The following CEP250 variants were observed in gnomAD, a reference collection of about 807,000 sequenced individuals.
CEP250 encodes centrosomal protein 250.
In CEP250, 242 loss-of-function variants were observed where a neutral mutation model predicts 315.7. The ratio of observed to expected loss-of-function variants is 0.77; its 90% confidence interval spans 0.69 to 0.85. CEP250 has a LOEUF of 0.85. Among genes scored for constraint, CEP250 ranks in the 40% least tolerant of loss-of-function variants. The pLI, the probability that CEP250 is intolerant of heterozygous loss-of-function variation, is 0.00. For synonymous variants in CEP250, 1,088 were observed against 1,175.0 expected, an observed-to-expected ratio of 0.93 and a Z score of 1.51; for missense variants, 2,515 against 2,886.4, an observed-to-expected ratio of 0.87 and a Z score of 2.95.
intron 33 of CEP250, among the ~76,000 whole-genome samples, chr20:35,509,381 C>T (rs767849163): frequency 7.9e-5 from 12 of 152,194 alleles, no homozygotes; most frequent in Non-Finnish European, 1.8e-4. Flanking sequence ...TGCTTGCCAG[C>T]TCCTGAGGAG....
intron 20 of CEP250, chr20:35,481,368 C>G (rs1330486457): frequency 6.6e-6 from 1 of 152,238 alleles, no homozygotes; most frequent in Non-Finnish European, 1.5e-5. Context: ...CTGTGGTGAG[C>G]TGAGCACCAC....
At chr20:35,467,179 G>GGGGGGGGGGGGGGGGGGGCCCCCCC in intron 8 of CEP250, 107 bp downstream of exon 8, 2 of 534,614 alleles carry the variant, frequency 3.7e-6, no homozygotes, top group Non-Finnish European at 7.1e-6. Flanking sequence ...GGTGGGTGGG[G>GGGGGGGGGGGGGGGGGGGCCCCCCC]GAGTTGGTAG....
chr20:35,493,187 A>G (rs1245796860), intron 22 of CEP250, among the ~76,000 whole-genome samples: 1 of 151,874 alleles, frequency 6.6e-6, no homozygotes, highest in African/African-American at 2.4e-5. Flanking sequence ...AAGTAGGGAT[A>G]TGGTTAGGAG....
At position 35,511,732 on chromosome 20, in the gene CEP250, A is replaced by G; in HGVS notation, c.*106A>G. 1 of 1,456,272 alleles carries G rather than the reference A, an allele frequency of 6.9e-7. No individual in the cohort carries two copies. The highest frequency in any genetic ancestry group is 1.5e-5 in the South Asian group (1 of 66,980). 90.2% of individuals were successfully genotyped at this position (1,456,272 alleles called of 1,614,324 possible). On this transcript the variant is annotated 3_prime_UTR_variant, in exon 35 of 35. Coordinates refer to ENST00000397527, the MANE Select transcript of CEP250 (RefSeq NM_007186.6). ...AAAAGCCTGGCTCTGTTAGGCACCC[A>G]GGAGCCCCAGGTCGGCGGGTGTTCC...
chr20:35,472,793 G>A lies in CEP250; in HGVS notation c.1171G>A (p.Val391Met), dbSNP rs1407513895. Residue 391 changes from valine to methionine, a missense_variant, in exon 12 of 35, where the codon GTG becomes ATG. Val to Met is a conservative substitution (Grantham distance 21, BLOSUM62 1). Coordinates refer to ENST00000397527, the MANE Select transcript of CEP250 (RefSeq NM_007186.6). ...GGATGCAGACAAGGCTCTTACTCTG[G>A]TGCGTTCAGTGCTGACTCGGAGACG... ...YQDADKALTL[V>M]RSVLTRRRQA... 6.2e-7 allele frequency: 1 copy of A among 1,614,172 alleles called. No individual in the cohort carries two copies. The highest frequency in any genetic ancestry group is 8.5e-7 in the Non-Finnish European group (1 of 1,180,014).
intron 22 of CEP250, among the ~76,000 whole-genome samples, chr20:35,491,923 T>C (rs982783667): frequency 7.8e-6 from 1 of 128,140 alleles, no homozygotes; most frequent in Non-Finnish European, 1.7e-5. Flanking sequence ...AAAAAAGGTG[T>C]GGCACAGCAG....
At chr20:35,495,255 G>A (rs1568816229) in intron 24 of CEP250, among the ~76,000 whole-genome samples, 1 of 152,338 alleles carries the variant, frequency 6.6e-6, no homozygotes, top group African/African-American at 2.4e-5. Flanking sequence ...CATGAGCTGG[G>A]CAGGTCCACA....
chr20:35,477,450 C>T (rs758063210), intron 16 of CEP250, among the ~76,000 whole-genome samples: 4 of 152,316 alleles, frequency 2.6e-5, no homozygotes, highest in East Asian at 3.9e-4. Flanking sequence ...CCACCATACC[C>T]GGCCTAAGTC....
chr20:35,472,396 A>G (rs1287670463), intron 11 of CEP250, among the ~76,000 whole-genome samples: 2 of 152,190 alleles, frequency 1.3e-5, no homozygotes, highest in African/African-American at 2.4e-5. Context: ...TGGAGGCTAG[A>G]TTCTGGTATT....
chr20:35,505,389 A>G (rs1389058894), intron 30 of CEP250, among the ~76,000 whole-genome samples: 1 of 152,194 alleles, frequency 6.6e-6, no homozygotes, highest in Non-Finnish European at 1.5e-5. Flanking sequence ...ACGGTGGCTC[A>G]CGCCGGTAAT....
At chr20:35,468,712 G>A (rs1288809492) in intron 9 of CEP250, among the ~76,000 whole-genome samples, 1 of 152,144 alleles carries the variant, frequency 6.6e-6, no homozygotes, top group African/African-American at 2.4e-5. Flanking sequence ...GTCTAGCTCT[G>A]TTGCCCAGGC....
In CEP250 at chr20:35,472,666, G is replaced by C; in HGVS notation, c.1051-7G>C. ...TAGGGTGGTGACCTTGCTGTATTGG[G>C]TTTCAGGTCATGGTGGAAGAAGGGG... On this transcript the variant is annotated splice_polypyrimidine_tract_variant and splice_region_variant and intron_variant, in intron 11 of 34. Transcript: ENST00000397527. 1 of 1,614,084 alleles carries C rather than the reference G, an allele frequency of 6.2e-7. No homozygotes were observed. Among genetic ancestry groups the C allele is most frequent in the Non-Finnish European group, 8.5e-7 (1 of 1,179,960 alleles).
chr20:35,511,381 C>T lies in CEP250; in HGVS notation c.7084C>T (p.Gln2362Ter), dbSNP rs769393021. Residue 2362 changes from glutamine (Q) to a stop codon, truncating the protein, a stop_gained, in exon 35 of 35, where the codon CAG becomes TAG. Transcript: ENST00000397527. LOFTEE classifies it high-confidence loss of function. ...LQKEVVLLQA[Q>*]LTLERKQKQD... is the part of the protein sequence containing the mutation. ...CCACCAGGTGGTCCTGCTGCAAGCTCAGCTGACTTTGGAGCGGAAGCAGAA... is the reference window on the plus strand; with the variant it reads ...CCACCAGGTGGTCCTGCTGCAAGCTTAGCTGACTTTGGAGCGGAAGCAGAA... 2.7e-5 allele frequency: 44 copies of T among 1,609,038 alleles called. No individual in the cohort carries two copies. Among genetic ancestry groups the T allele is most frequent in the Non-Finnish European group, 3.7e-5 (43 of 1,176,792 alleles).
In CEP250 at chr20:35,507,864, C is replaced by T. The variant is rs1205682559; in HGVS notation, c.6750+13C>T. 6.2e-7 allele frequency: 1 copy of T among 1,608,468 alleles called. No individual in the cohort carries two copies. Among genetic ancestry groups the T allele is most frequent in the Admixed American group, 1.7e-5 (1 of 59,038 alleles). ...GCAGCTGGGAGAGGTGAGCTGGGGGCTCTGGGGGAACAGGTGACCCAGCAG... is the reference window on the plus strand; with the variant it reads ...GCAGCTGGGAGAGGTGAGCTGGGGGTTCTGGGGGAACAGGTGACCCAGCAG... On this transcript the variant is annotated intron_variant, in intron 31 of 34. Coordinates refer to ENST00000397527, the MANE Select transcript of CEP250 (RefSeq NM_007186.6).
chr20:35,504,523 A>G lies in CEP250; in HGVS notation c.6154A>G (p.Arg2052Gly). The change falls in exon 30 of 35, where the codon AGA (arginine) becomes GGA (glycine). Residue 2052 changes from arginine to glycine, a missense_variant. Arg to Gly is a moderately radical substitution (Grantham distance 125). Transcript: ENST00000397527. ...QALAQRDEELRHQQEREQLLE... is the reference protein window; with the variant it reads ...QALAQRDEELGHQQEREQLLE... ...ACTTGCCCAGAGGGATGAAGAGCTG[A>G]GACATCAGCAGGAACGGGAGCAGCT... 6.2e-7 allele frequency: 1 copy of G among 1,614,016 alleles called. No individual in the cohort carries two copies. Among genetic ancestry groups the G allele is most frequent in the Non-Finnish European group, 8.5e-7 (1 of 1,179,934 alleles).
At chr20:35,496,339 TA>T (rs543805187) in intron 24 of CEP250, among the ~76,000 whole-genome samples, 134 of 144,888 alleles carry the variant, frequency 9.2e-4, no homozygotes, top group African/African-American at 2.9e-3. Flanking sequence ...TCTGTCTCAA[TA>T]AAAAAAAAAC....
At chr20:35,497,583 C>T in intron 25 of CEP250, 136 bp from the exon 26 acceptor site, 2 of 657,886 alleles carry the variant, frequency 3.0e-6, no homozygotes, top group South Asian at 2.0e-5. Context: ...GCCCCTCTAC[C>T]TGCCTGAGAG....
intron 3 of CEP250, among the ~76,000 whole-genome samples, chr20:35,461,093 T>G (rs1257193662): frequency 6.6e-6 from 1 of 152,204 alleles, no homozygotes; most frequent in Admixed American, 6.5e-5. Context: ...GTTTGGTGCA[T>G]TAAAGGGATT....
chr20:35,455,921 G>A (rs555116900), intron 1 of CEP250, among the ~76,000 whole-genome samples, 170 bp downstream of exon 1: 4 of 152,186 alleles, frequency 2.6e-5, no homozygotes, highest in Non-Finnish European at 5.9e-5. Context: ...TAGAGACGGA[G>A]TTTCGCGCTT....
Sources: gnomAD v4.1 joint callset for allele counts (sites outside exome capture counted in the v4.1 genomes callset) on GRCh38, gnomAD v4.1.1 for gene constraint, MANE v1.5 for transcripts, NCBI Gene and HGNC (gene_info 2026-07-23, HGNC 2026-07-21) for gene names.